The following MACROD2 variants were observed in gnomAD, a reference collection of about 807,000 sequenced individuals.
MACROD2 encodes the protein ADP-ribose glycohydrolase MACROD2.
MACROD2 carries 36 observed loss-of-function variants against 70.4 expected under a neutral mutation model. The observed-to-expected ratio is 0.51, with a 90% confidence interval of 0.39 to 0.68. The LOEUF is 0.68. Among genes scored for constraint, MACROD2 ranks in the 30% least tolerant of loss-of-function variants. The probability of loss-of-function intolerance (pLI) is 0.00; values close to 1 mark genes in which losing one functional copy is unlikely to be tolerated. For missense variants in MACROD2, 496 were observed against 538.4 expected, an observed-to-expected ratio of 0.92 and a Z score of 0.78; for synonymous variants, 172 against 178.8, an observed-to-expected ratio of 0.96 and a Z score of 0.30.
intron 6 of MACROD2, among the ~76,000 whole-genome samples, chr20:15,274,763 A>C (rs979501641): frequency 6.6e-6 from 1 of 152,264 alleles, no homozygotes; most frequent in Non-Finnish European, 1.5e-5. Flanking sequence ...GATGAACACT[A>C]ATCAAATAAT....
intron 5 of MACROD2, among the ~76,000 whole-genome samples, chr20:14,896,940 A>G (rs1327350494): frequency 6.6e-6 from 1 of 152,132 alleles, no homozygotes; most frequent in Non-Finnish European, 1.5e-5. Context: ...AAATAAAAAT[A>G]AAAGTTAGCA....
chr20:16,043,177 T>A (rs2067330839), intron 16 of MACROD2, among the ~76,000 whole-genome samples: 1 of 152,046 alleles, frequency 6.6e-6, no homozygotes, highest in African/African-American at 2.4e-5. Context: ...ATGCTCTGAT[T>A]GGAGGTTGTT....
chr20:15,784,698 T>C (rs927863298), intron 8 of MACROD2, among the ~76,000 whole-genome samples: 3 of 152,102 alleles, frequency 2.0e-5, no homozygotes, highest in Non-Finnish European at 4.4e-5. Context: ...GATGAGTGGA[T>C]AGACATATGA....
intron 3 of MACROD2, among the ~76,000 whole-genome samples, chr20:14,195,267 C>G (rs1334344726): frequency 2.6e-5 from 4 of 152,024 alleles, no homozygotes; most frequent in African/African-American, 9.7e-5. Flanking sequence ...ACACCAAACC[C>G]CACAGCCATC....
At chr20:14,038,572 G>C (rs2053349366) in intron 2 of MACROD2, among the ~76,000 whole-genome samples, 1 of 152,076 alleles carries the variant, frequency 6.6e-6, no homozygotes, top group African/African-American at 2.4e-5. Flanking sequence ...TGAAAGCATT[G>C]CTGGTGTGTT....
intron 3 of MACROD2, among the ~76,000 whole-genome samples, chr20:14,269,955 G>A (rs1274731872): frequency 3.3e-5 from 5 of 152,060 alleles, no homozygotes; most frequent in Admixed American, 2.6e-4. Flanking sequence ...ATTCCTTAGG[G>A]ATATTATATA....
intron 4 of MACROD2, among the ~76,000 whole-genome samples, chr20:14,507,413 C>T (rs79319141): frequency 1.7e-3 from 255 of 152,112 alleles, no homozygotes; most frequent in East Asian, 0.011. Flanking sequence ...TATTGTGTAA[C>T]GAATACAAGG....
At chr20:15,302,323 C>T (rs2077652951) in intron 6 of MACROD2, among the ~76,000 whole-genome samples, 2 of 151,862 alleles carry the variant, frequency 1.3e-5, no homozygotes, top group Admixed American at 1.3e-4. Context: ...AACATAAATC[C>T]TAACTACTGC....
intron 15 of MACROD2, among the ~76,000 whole-genome samples, chr20:15,992,629 T>C (rs371705292): frequency 1.6e-4 from 25 of 152,236 alleles, no homozygotes; most frequent in African/African-American, 5.5e-4. Flanking sequence ...GTCTCCAGCA[T>C]CCGGCTACAT....
intron 8 of MACROD2, among the ~76,000 whole-genome samples, chr20:15,840,387 G>A (rs1029803965): frequency 1.3e-5 from 2 of 152,128 alleles, no homozygotes; most frequent in African/African-American, 4.8e-5. Context: ...TGTGTGGTTG[G>A]TTGACTCCAA....
At chr20:15,575,053 C>T (rs933535) in intron 8 of MACROD2, among the ~76,000 whole-genome samples, 2,766 of 152,252 alleles carry the variant, frequency 0.018, 62 homozygotes, top group South Asian at 0.12. Flanking sequence ...AATTTTACCA[C>T]GTCTTTTACT....
At chr20:14,507,250 C>G (rs1462224213) in intron 4 of MACROD2, among the ~76,000 whole-genome samples, 1 of 151,994 alleles carries the variant, frequency 6.6e-6, no homozygotes, top group Non-Finnish European at 1.5e-5. Flanking sequence ...TATTTATTCT[C>G]TTTCCTCTCT....
intron 3 of MACROD2, among the ~76,000 whole-genome samples, chr20:14,193,707 G>A (rs1385439784): frequency 6.6e-6 from 1 of 152,170 alleles, no homozygotes; most frequent in Non-Finnish European, 1.5e-5. Flanking sequence ...TTGAAGCAGG[G>A]TGGGAAAGAG....
chr20:14,035,596 T>C (rs553938347), intron 2 of MACROD2, among the ~76,000 whole-genome samples: 13 of 152,342 alleles, frequency 8.5e-5, no homozygotes, highest in African/African-American at 3.1e-4. Flanking sequence ...TTGAGTTATT[T>C]TCAAGTGCTT....
chr20:14,333,295 C>A (rs543486080), intron 3 of MACROD2, among the ~76,000 whole-genome samples: 3 of 152,084 alleles, frequency 2.0e-5, no homozygotes, highest in Non-Finnish European at 4.4e-5. Context: ...TTATTTTCCC[C>A]GGTACGTTTC....
chr20:15,827,615 C>T (rs1372748317), intron 8 of MACROD2, among the ~76,000 whole-genome samples: 2 of 152,098 alleles, frequency 1.3e-5, no homozygotes, highest in African/African-American at 4.8e-5. Flanking sequence ...TTGCCTTTCC[C>T]TCTTTTGTTT....
At chr20:14,588,067 TAAG>T (rs895006237) in intron 4 of MACROD2, among the ~76,000 whole-genome samples, 7 of 152,148 alleles carry the variant, frequency 4.6e-5, no homozygotes, top group Non-Finnish European at 7.4e-5. Flanking sequence ...TAAAAGGAAT[TAAG>T]AAGATTTTTA....
At chr20:14,753,843 G>A (rs1448833314) in intron 5 of MACROD2, among the ~76,000 whole-genome samples, 1 of 151,968 alleles carries the variant, frequency 6.6e-6, no homozygotes, top group East Asian at 1.9e-4. Context: ...AGCAATTTGA[G>A]GACTTAGGTA....
At chr20:14,785,878 T>A (rs766049885) in intron 5 of MACROD2, among the ~76,000 whole-genome samples, 4 of 151,954 alleles carry the variant, frequency 2.6e-5, no homozygotes, top group Non-Finnish European at 4.4e-5. Context: ...ATCACCTCTT[T>A]GTTCCAGGAA....
Sources: allele counts gnomAD v4.1 joint callset (sites outside exome capture counted in the v4.1 genomes callset), GRCh38; gene constraint gnomAD v4.1.1; transcripts MANE v1.5; gene names NCBI Gene and HGNC (gene_info 2026-07-23, HGNC 2026-07-21).